SEL1L: variants seen among roughly 807,000 people sequenced by gnomAD.
SEL1L encodes the protein protein sel-1 homolog 1.
SEL1L carries 52 observed loss-of-function variants against 109.8 expected under a neutral mutation model. The ratio of observed to expected loss-of-function variants is 0.47; its 90% confidence interval spans 0.38 to 0.60. The LOEUF (loss-of-function observed/expected upper bound fraction) is 0.60. SEL1L is among the 20% of genes least tolerant of loss of function. The probability of loss-of-function intolerance (pLI) is 0.00; values close to 1 mark genes in which losing one functional copy is unlikely to be tolerated. For missense variants in SEL1L, 749 were observed against 962.2 expected (o/e 0.78, Z 2.93); for synonymous variants, 373 against 339.6 (o/e 1.10, Z -1.08).
chr14:81,524,617 A>G (rs1370334407), intron 3 of SEL1L, among the ~76,000 whole-genome samples: 1 of 152,252 alleles, frequency 6.6e-6, no homozygotes, highest in East Asian at 1.9e-4. Context: ...CACGCCTGTA[A>G]TCCCAGCACT....
chr14:81,495,029 C>A, intron 11 of SEL1L, 52 bp downstream of exon 11: 1 of 1,526,024 alleles, frequency 6.6e-7, no homozygotes, highest in Non-Finnish European at 9.0e-7. Flanking sequence ...ACATTGGGAA[C>A]ATCATTTCCT....
chr14:81,521,307 G>A (rs1335443185), intron 3 of SEL1L, among the ~76,000 whole-genome samples: 1 of 152,034 alleles, frequency 6.6e-6, no homozygotes, highest in African/African-American at 2.4e-5. Flanking sequence ...TCATTTCTGG[G>A]TCAAGAAATG....
chr14:81,510,224 C>G (rs1595524917), intron 3 of SEL1L, among the ~76,000 whole-genome samples: 1 of 152,128 alleles, frequency 6.6e-6, no homozygotes, highest in South Asian at 2.1e-4. Context: ...GTAGATTTAG[C>G]AGTCTGGAGG....
Position 81,506,188 on chromosome 14 carries a change from G to A in SEL1L, c.394C>T (p.Leu132Phe), listed in dbSNP as rs1884232153. ...TCATCATACTCCTTATCTAGGAAAA[G>A]AAAAGGGAAGTGGCAGGGCTCCCCA... ...AHGEPCHFPF[L>F]FLDKEYDECT... The change falls in exon 4 of 21, where the codon CTT (leucine) becomes TTT (phenylalanine). Residue 132 changes from leucine (L) to phenylalanine (F), a missense_variant. Around this residue, in one of 2 missense-constraint regions of SEL1L, gnomAD observed 366 missense variants for 399.8 expected, o/e 0.92. Transcript: ENST00000336735. The A allele has an allele frequency of 6.2e-7, 1 of 1,613,582 alleles. No individual in the cohort carries two copies. The highest frequency in any genetic ancestry group is 1.3e-5 in the African/African-American group (1 of 75,028).
rs1440342945 is a variant in SEL1L, at chr14:81,533,688, G to A, written c.57C>T (p.Ala19=). 1 of 1,613,352 alleles carries A rather than the reference G, an allele frequency of 6.2e-7. No homozygotes were observed. Among genetic ancestry groups the A allele is most frequent in the Admixed American group, 1.7e-5 (1 of 59,998 alleles). Residue 19 remains alanine (A), a synonymous_variant, in exon 1 of 21, where the codon GCC becomes GCT. Transcript: ENST00000336735. ...LLLCAVLLSL[A]SASSDEEGSQ... Reference sequence around the variant, plus strand: ...GCGGATACTGACCCGAGGACGCCGAGGCCAAGCTCAGCAGCACCGCACACA... The same window carrying A: ...GCGGATACTGACCCGAGGACGCCGAAGCCAAGCTCAGCAGCACCGCACACA...
chr14:81,516,476 G>T (rs1474589475), intron 3 of SEL1L, among the ~76,000 whole-genome samples: 1 of 152,194 alleles, frequency 6.6e-6, no homozygotes, highest in African/African-American at 2.4e-5. Context: ...CAAAGCTGGA[G>T]CTATTATCTA....
intron 3 of SEL1L, among the ~76,000 whole-genome samples, chr14:81,512,831 C>G (rs1375448720): frequency 2.0e-5 from 3 of 152,204 alleles, no homozygotes; most frequent in Non-Finnish European, 4.4e-5. Context: ...ATTATTCATT[C>G]ATGATCAACA....
chr14:81,484,646 A>G, intron 18 of SEL1L: 1 of 345,466 alleles, frequency 2.9e-6, no homozygotes, highest in Admixed American at 3.9e-5. Flanking sequence ...GTGTAGGGGG[A>G]CAGGTTTAAT....
chr14:81,530,096 G>C (rs1465101386), intron 1 of SEL1L, among the ~76,000 whole-genome samples: 1 of 152,232 alleles, frequency 6.6e-6, no homozygotes, highest in Non-Finnish European at 1.5e-5. Context: ...CAAAGTACCA[G>C]AGATATGCTT....
At chr14:81,488,149 T>TA (rs1369953519) in intron 14 of SEL1L, among the ~76,000 whole-genome samples, 5 of 152,126 alleles carry the variant, frequency 3.3e-5, no homozygotes, top group Admixed American at 1.3e-4. Flanking sequence ...GAAAAGTAAA[T>TA]AGAGTTTTTG....
intron 14 of SEL1L, among the ~76,000 whole-genome samples, 155 bp from the exon 15 acceptor site, chr14:81,488,097 T>C (rs1010662421): frequency 3.9e-5 from 6 of 152,214 alleles, no homozygotes; most frequent in African/African-American, 1.4e-4. Context: ...TAGATAATAA[T>C]ATACATTAAG....
intron 20 of SEL1L, among the ~76,000 whole-genome samples, chr14:81,477,466 C>T (rs368894738): frequency 4.6e-5 from 7 of 151,958 alleles, no homozygotes; most frequent in Admixed American, 6.6e-5. Context: ...TAATCCAATA[C>T]GCTAATTTTA....
chr14:81,529,280 C>A (rs1885237483), intron 1 of SEL1L, among the ~76,000 whole-genome samples: 2 of 152,266 alleles, frequency 1.3e-5, no homozygotes, highest in African/African-American at 4.8e-5. Flanking sequence ...ATTTAAAAAA[C>A]CCATCTCTAT....
In SEL1L at chr14:81,484,944, C is replaced by T. The variant is rs142581663; in HGVS notation, c.1874-547G>A. Among the ~76,000 whole-genome samples the T allele has an allele frequency of 9.0e-4, 137 of 152,288 alleles. 1 individual carries two copies. Among genetic ancestry groups the T allele is most frequent in the Non-Finnish European group, 1.3e-3 (88 of 68,032 alleles). On this transcript the variant is annotated intron_variant, in intron 18 of 20. Coordinates refer to ENST00000336735, the MANE Select transcript of SEL1L (RefSeq NM_005065.6). ...AGGCTCTACTTTATAATGTCATTTA[C>T]ATTTTAAAATAGTCCAGCTTGACCA...
intron 3 of SEL1L, among the ~76,000 whole-genome samples, chr14:81,511,724 C>A (rs1884483065): frequency 2.0e-5 from 3 of 152,208 alleles, no homozygotes. Context: ...AGTAGAAATG[C>A]CATTCTGTTG....
chr14:81,497,711 T>C (rs1248246807), intron 10 of SEL1L, among the ~76,000 whole-genome samples, 181 bp downstream of exon 10: 1 of 151,512 alleles, frequency 6.6e-6, no homozygotes, highest in Non-Finnish European at 1.5e-5. Flanking sequence ...AAATGGAATC[T>C]CCTGAGAGTG....
At position 81,498,053 on chromosome 14, in the gene SEL1L, T is replaced by C. The variant is rs1230250501; in HGVS notation, c.974-7A>G. On this transcript the variant is annotated splice_polypyrimidine_tract_variant and splice_region_variant and intron_variant, in intron 9 of 20. Transcript: ENST00000336735. ...AGCGAGATATCACTAGCAACTGAAA[T>C]AGAGGGATAAAACAATAAGGTGGAG... The C allele has an allele frequency of 3.7e-6, 6 of 1,610,218 alleles. No homozygotes were observed. The highest frequency in any genetic ancestry group is 1.7e-5 in the Admixed American group (1 of 59,136).
At chr14:81,531,472 T>C (rs1273939220) in intron 1 of SEL1L, among the ~76,000 whole-genome samples, 2 of 152,224 alleles carry the variant, frequency 1.3e-5, no homozygotes, top group African/African-American at 2.4e-5. Flanking sequence ...ACTTTAAACT[T>C]TGAGGCCGAA....
intron 1 of SEL1L, among the ~76,000 whole-genome samples, chr14:81,529,138 G>T (rs1488854733): frequency 6.6e-6 from 1 of 152,092 alleles, no homozygotes; most frequent in Non-Finnish European, 1.5e-5. Context: ...TAGTCCCACA[G>T]CGCCCATAAC....
Sources: gnomAD v4.1 joint callset for allele counts (sites outside exome capture counted in the v4.1 genomes callset) on GRCh38, gnomAD v4.1.1 for gene constraint, gnomAD v4.1.1 regional missense constraint, MANE v1.5 for transcripts, NCBI Gene and HGNC (gene_info 2026-07-23, HGNC 2026-07-21) for gene names.